Variants in CEP89 observed in about 807,000 individuals in gnomAD.
CEP89 encodes centrosomal protein 89.
A neutral mutation model predicts 97.6 loss-of-function variants in CEP89; 95 were observed. That is an observed-to-expected ratio of 0.97 (90% CI 0.82 to 1.15). The LOEUF is 1.15. Among genes scored for constraint, CEP89 ranks in the 50% most tolerant of loss-of-function variants. The pLI, the probability that CEP89 is intolerant of heterozygous loss-of-function variation, is 0.00. For missense variants in CEP89, 869 were observed against 947.7 expected, an observed-to-expected ratio of 0.92 and a Z score of 1.09; for synonymous variants, 354 against 349.1, an observed-to-expected ratio of 1.01 and a Z score of -0.16.
chr19:32,922,796 C>T (rs1231241226), intron 12 of CEP89, among the ~76,000 whole-genome samples: 13 of 150,320 alleles, frequency 8.6e-5, no homozygotes, highest in African/African-American at 2.5e-4. Flanking sequence ...TGCAGTGAGC[C>T]GAGATCACAC....
chr19:32,919,985 T>A (rs773488902), intron 12 of CEP89, among the ~76,000 whole-genome samples: 1 of 152,140 alleles, frequency 6.6e-6, no homozygotes, highest in Non-Finnish European at 1.5e-5. Context: ...CTTTATTTGT[T>A]CATTCATTCA....
intron 2 of CEP89, among the ~76,000 whole-genome samples, chr19:32,965,450 CA>C (rs1971261108): frequency 6.6e-6 from 1 of 151,230 alleles, no homozygotes; most frequent in Non-Finnish European, 1.5e-5. Context: ...TCTGTAATCC[CA>C]GGCACTTTGG....
chr19:32,951,511 T>TTA lies in CEP89; in HGVS notation c.492+2102_492+2103dup, dbSNP rs72440449. On this transcript the variant is annotated intron_variant, in intron 4 of 18. Transcript: ENST00000305768. ...AAAAGAAATAAACAACAACAAAAAA[T>TTA]TATATATATATATATATATATATAC... 3.5e-3 allele frequency among the ~76,000 whole-genome samples: 462 copies of TTA among 132,022 alleles called. 2 individuals carry two copies. Among genetic ancestry groups the TTA allele is most frequent in the Middle Eastern group, 7.7e-3 (2 of 260 alleles). The allele number at this position is 132,022 out of a possible 152,430, so 86.6% of individuals were successfully genotyped here. A position where few individuals can be genotyped will look rare whatever the true frequency, so the allele number is the denominator to read the frequency against.
At chr19:32,943,694 G>C (rs571410146) in intron 5 of CEP89, among the ~76,000 whole-genome samples, 2 of 152,232 alleles carry the variant, frequency 1.3e-5, no homozygotes, top group Non-Finnish European at 2.9e-5. Flanking sequence ...ATTAGGTAGT[G>C]GGGAGGGAGA....
At chr19:32,883,153 C>T (rs181942256) in intron 17 of CEP89, among the ~76,000 whole-genome samples, 7 of 151,696 alleles carry the variant, frequency 4.6e-5, no homozygotes, top group South Asian at 2.1e-4. Flanking sequence ...TGAGACACCG[C>T]GCCCGGCCGA....
intron 12 of CEP89, 50 bp from the exon 13 acceptor site, chr19:32,918,389 T>C: frequency 7.6e-7 from 1 of 1,320,984 alleles, no homozygotes; most frequent in Non-Finnish European, 1.1e-6. Context: ...GCTGAATGGT[T>C]ACAGAAACAC....
At position 32,939,924 on chromosome 19, in the gene CEP89, A is replaced by G. The variant is rs762167855; in HGVS notation, c.596-39T>C. 15 of 975,266 alleles carry G rather than the reference A, an allele frequency of 1.5e-5. No individual in the cohort carries two copies. The East Asian group carries it at 3.5e-4, about 23-fold the overall frequency. 60.4% of individuals were successfully genotyped at this position (975,266 alleles called of 1,614,324 possible). On this transcript the variant is annotated intron_variant, in intron 5 of 18. Transcript: ENST00000305768. ...AGAGAGAGAGATAAACTTTTAAAGT[A>G]GATAATGAAATATGACAACTCAGAA...
In CEP89 at chr19:32,936,476, G is replaced by A. The variant is rs902713477; in HGVS notation, c.667+1155C>T. Among the ~76,000 whole-genome samples, 6 of 152,146 alleles carry A rather than the reference G, an allele frequency of 3.9e-5. No individual in the cohort carries two copies. Among genetic ancestry groups the A allele is most frequent in the East Asian group, 1.9e-4 (1 of 5,180 alleles). On this transcript the variant is annotated intron_variant, in intron 7 of 18. Transcript: ENST00000305768. The surrounding 1 kb of genome is among the most constrained non-coding windows in gnomAD (Gnocchi z 4.5). Reference sequence around the variant, plus strand: ...CCCGGTGAGGCCCCGCCTTCAGGTCGGAGAGGGCCTGAAGGCTGGGGACCG... The same window carrying A: ...CCCGGTGAGGCCCCGCCTTCAGGTCAGAGAGGGCCTGAAGGCTGGGGACCG...
rs565909579 is a variant in CEP89, at chr19:32,949,092, C to A, written c.493-724G>T. ...TCCCCTGGGAGGACTCTCATTGAAG[C>A]CTCCTATGTTCACCAATTATGTAAG... is the stretch of plus-strand genomic sequence containing the variant. On this transcript the variant is annotated intron_variant, in intron 4 of 18. Coordinates refer to ENST00000305768, the MANE Select transcript of CEP89 (RefSeq NM_032816.5). Among the ~76,000 whole-genome samples, 29 of 152,280 alleles carry A rather than the reference C, an allele frequency of 1.9e-4. No homozygotes were observed. The South Asian group carries it at 6.0e-3, about 32-fold the overall frequency.
At chr19:32,906,019 T>A (rs2145894824) in intron 14 of CEP89, among the ~76,000 whole-genome samples, 1 of 152,368 alleles carries the variant, frequency 6.6e-6, no homozygotes, top group Admixed American at 6.5e-5. Flanking sequence ...GATTAAGATC[T>A]ACCATGTCTA....
intron 5 of CEP89, among the ~76,000 whole-genome samples, chr19:32,943,657 C>T (rs941036999): frequency 4.6e-5 from 7 of 151,838 alleles, no homozygotes; most frequent in African/African-American, 1.5e-4. Flanking sequence ...CAACTCACCA[C>T]GTTTCACATG....
intron 4 of CEP89, among the ~76,000 whole-genome samples, chr19:32,952,620 G>A (rs1970945698): frequency 6.6e-6 from 1 of 151,852 alleles, no homozygotes; most frequent in South Asian, 2.1e-4. Flanking sequence ...AAAAGAAAAA[G>A]GGGCTAGGCA....
At chr19:32,959,765 A>C in intron 3 of CEP89, 135 bp downstream of exon 3, 2 of 853,100 alleles carry the variant, frequency 2.3e-6, no homozygotes, top group African/African-American at 3.4e-5. Flanking sequence ...TCATAAATAC[A>C]TGCATGAGCA....
At chr19:32,932,847 G>C (rs1205351167) in intron 8 of CEP89, among the ~76,000 whole-genome samples, 2 of 152,048 alleles carry the variant, frequency 1.3e-5, no homozygotes, top group African/African-American at 4.8e-5. Context: ...CTACTCAGGA[G>C]GCTGAGGTGG....
At chr19:32,889,071 G>A (rs868526512) in intron 16 of CEP89, among the ~76,000 whole-genome samples, 1 of 152,172 alleles carries the variant, frequency 6.6e-6, no homozygotes, top group Non-Finnish European at 1.5e-5. Context: ...TATGTACAGG[G>A]TTGGGTAAGG....
intron 11 of CEP89, 135 bp downstream of exon 11, chr19:32,926,055 C>T (rs1970350917): frequency 4.2e-6 from 3 of 706,926 alleles, no homozygotes; most frequent in Non-Finnish European, 2.5e-6. Context: ...CTTCCTTCCT[C>T]CTTTCTGTCC....
chr19:32,915,305 A>G (rs1034354889), intron 14 of CEP89, 32 bp downstream of exon 14: 10 of 1,556,548 alleles, frequency 6.4e-6, no homozygotes, highest in African/African-American at 1.4e-5. Flanking sequence ...AAAAAGAAAA[A>G]AAAAAAAAAA....
chr19:32,897,729 G>GT (rs760876417), intron 16 of CEP89, among the ~76,000 whole-genome samples: 1 of 152,044 alleles, frequency 6.6e-6, no homozygotes, highest in Non-Finnish European at 1.5e-5. Flanking sequence ...GCCTGGCTAA[G>GT]TTTTTCGTTA....
At chr19:32,968,634 A>G (rs1202033876) in intron 1 of CEP89, among the ~76,000 whole-genome samples, 1 of 151,844 alleles carries the variant, frequency 6.6e-6, no homozygotes, top group Non-Finnish European at 1.5e-5. Flanking sequence ...TTTTTTTTAA[A>G]GAGTGAATCC....
Sources: gnomAD v4.1 joint callset for allele counts (sites outside exome capture counted in the v4.1 genomes callset) on GRCh38, gnomAD v4.1.1 for gene constraint, Gnocchi (gnomAD v3.1) non-coding constraint, MANE v1.5 for transcripts, NCBI Gene and HGNC (gene_info 2026-07-23, HGNC 2026-07-21) for gene names.